The following OPHN1 variants were observed in gnomAD, a reference collection of about 807,000 sequenced individuals.
OPHN1 encodes the protein oligophrenin-1.
OPHN1 carries 11 observed loss-of-function variants against 60.7 expected under a neutral mutation model. That is an observed-to-expected ratio of 0.18 (90% CI 0.11 to 0.30). The LOEUF is 0.30. Among genes scored for constraint, OPHN1 ranks in the 10% least tolerant of loss-of-function variants. The pLI, the probability that OPHN1 is intolerant of heterozygous loss-of-function variation, is 1.00. For synonymous variants in OPHN1, 226 were observed against 222.6 expected (o/e 1.02, Z -0.14); for missense variants, 449 against 611.0 (o/e 0.73, Z 2.80).
chrX:68,202,877 A>G (rs567426802), intron 10 of OPHN1, among the ~76,000 whole-genome samples: 5 of 111,959 alleles, frequency 4.5e-5, no homozygotes, highest in African/African-American at 1.6e-4. Context: ...CAGCATACCC[A>G]AAGTCATCCA....
intron 6 of OPHN1, 141 bp from the exon 7 acceptor site, chrX:68,214,113 A>C: frequency 2.1e-6 from 1 of 479,591 alleles, no homozygotes. Context: ...AGAAATAGAG[A>C]ACCTAAAGCC....
intron 6 of OPHN1, among the ~76,000 whole-genome samples, chrX:68,214,818 G>C (rs1424419468): frequency 9.0e-6 from 1 of 110,699 alleles, no homozygotes; most frequent in African/African-American, 3.3e-5. Flanking sequence ...CCAACATGGA[G>C]AAACCCTATC....
At chrX:68,375,201 A>G (rs1342220895) in intron 2 of OPHN1, among the ~76,000 whole-genome samples, 1 of 112,476 alleles carries the variant, frequency 8.9e-6, no homozygotes, top group Non-Finnish European at 1.9e-5. Flanking sequence ...ATCATGAAAA[A>G]CTGAAAATGT....
intron 6 of OPHN1, among the ~76,000 whole-genome samples, chrX:68,229,337 T>C (rs1428626851): frequency 8.1e-5 from 9 of 111,591 alleles, no homozygotes; most frequent in South Asian, 3.7e-4. Context: ...GCCATACTGC[T>C]CAAGGTAATT....
intron 2 of OPHN1, among the ~76,000 whole-genome samples, chrX:68,309,532 C>G (rs753156891): frequency 9.0e-6 from 1 of 111,252 alleles, no homozygotes; most frequent in Non-Finnish European, 1.9e-5. Flanking sequence ...ACTAGATATA[C>G]TCAGTTCTCA....
chrX:68,397,174 T>G (rs1465644762), intron 2 of OPHN1, among the ~76,000 whole-genome samples: 1 of 112,246 alleles, frequency 8.9e-6, no homozygotes, highest in Non-Finnish European at 1.9e-5. Context: ...GAAGTTCTAT[T>G]TAGATAAAAT....
chrX:68,317,539 A>AAAAGAAAG (rs762679584), intron 2 of OPHN1, among the ~76,000 whole-genome samples: 1,184 of 58,907 alleles, frequency 0.02, 29 homozygotes, highest in African/African-American at 0.066. Flanking sequence ...AAGAAAGAAA[A>AAAAGAAAG]AAAGAAAGAA....
intron 15 of OPHN1, among the ~76,000 whole-genome samples, chrX:68,149,519 T>C (rs752193432): frequency 2.0e-4 from 22 of 111,503 alleles, no homozygotes; most frequent in African/African-American, 6.8e-4. Context: ...AAAGAAGATA[T>C]ACAAATGGCC....
chrX:68,280,786 G>T (rs937896242), intron 4 of OPHN1, among the ~76,000 whole-genome samples: 6 of 111,117 alleles, frequency 5.4e-5, no homozygotes, highest in Non-Finnish European at 7.5e-5. Context: ...GGTCATGATG[G>T]TACTGCCGGT....
In OPHN1 at chrX:68,377,737, A is replaced by G. The variant is rs762396096; in HGVS notation, c.154+55130T>C. Reference sequence around the variant, plus strand: ...AGAATGATGATTTCCAGTTTCATCCATGTCCCTACAAAGGACATGAACTCA... The same window carrying G: ...AGAATGATGATTTCCAGTTTCATCCGTGTCCCTACAAAGGACATGAACTCA... On this transcript the variant is annotated intron_variant, in intron 2 of 24. Transcript: ENST00000355520. 4.2e-3 allele frequency among the ~76,000 whole-genome samples: 467 copies of G among 110,735 alleles called. 3 individuals carry two copies. The highest frequency in any genetic ancestry group is 0.015 in the African/African-American group (445 of 30,423).
At chrX:68,111,103 A>T in intron 18 of OPHN1, among the ~76,000 whole-genome samples, 1 of 112,157 alleles carries the variant, frequency 8.9e-6, no homozygotes, top group Non-Finnish European at 1.9e-5. Flanking sequence ...AATACATTAC[A>T]ATTTTTTAAT....
chrX:68,287,655 G>A (rs921249279), intron 3 of OPHN1, among the ~76,000 whole-genome samples: 2 of 111,630 alleles, frequency 1.8e-5, no homozygotes, highest in African/African-American at 3.3e-5. Context: ...TGCACACATT[G>A]CATGATTATA....
chrX:68,168,629 C>G (rs1460429776), intron 15 of OPHN1, among the ~76,000 whole-genome samples: 1 of 112,124 alleles, frequency 8.9e-6, no homozygotes, highest in Non-Finnish European at 1.9e-5. Flanking sequence ...CAAAAGCTAG[C>G]AGAAGGCAAG....
chrX:68,432,815 A>ATTT, intron 2 of OPHN1, 52 bp downstream of exon 2: 3 of 1,190,946 alleles, frequency 2.5e-6, no homozygotes, highest in Non-Finnish European at 3.4e-6. Context: ...GAAAGGCTTA[A>ATTT]AGGCCAGACA....
At chrX:68,228,343 G>A (rs759199886) in intron 6 of OPHN1, among the ~76,000 whole-genome samples, 9 of 111,322 alleles carry the variant, frequency 8.1e-5, no homozygotes, top group African/African-American at 2.9e-4. Flanking sequence ...GGAGGAGCTG[G>A]TACCATTCCT....
At chrX:68,342,945 CGAA>C (rs970175902) in intron 2 of OPHN1, among the ~76,000 whole-genome samples, 2 of 108,915 alleles carry the variant, frequency 1.8e-5, no homozygotes, top group African/African-American at 3.4e-5. Context: ...GTCACGAAGA[CGAA>C]GAAGAAGAAA....
At chrX:68,221,510 G>A (rs1490358677) in intron 6 of OPHN1, among the ~76,000 whole-genome samples, 1 of 88,101 alleles carries the variant, frequency 1.1e-5, no homozygotes, top group Non-Finnish European at 2.3e-5. Flanking sequence ...GAGGCATCAC[G>A]CTACCTGACT....
rs1183699328 is a variant in OPHN1, at chrX:68,366,996, G to A, written c.154+65871C>T. Reference sequence around the variant, plus strand: ...TAGGGAGTGTGGATTAAAAAGAGTAGTCAGAGTGACATCAGCAAAATGGTG... The same window carrying A: ...TAGGGAGTGTGGATTAAAAAGAGTAATCAGAGTGACATCAGCAAAATGGTG... On this transcript the variant is annotated intron_variant, in intron 2 of 24. Transcript: ENST00000355520. Among the ~76,000 whole-genome samples, 3 of 111,078 alleles carry A rather than the reference G, an allele frequency of 2.7e-5. No individual in the cohort carries two copies. The Admixed American group carries it at 2.9e-4, about 11-fold the overall frequency.
At chrX:68,367,364 A>AG (rs2078505003) in intron 2 of OPHN1, among the ~76,000 whole-genome samples, 1 of 107,580 alleles carries the variant, frequency 9.3e-6, no homozygotes, top group Non-Finnish European at 1.9e-5. Context: ...GGGAAAAAAA[A>AG]AAAAAAAACA....
Sources: allele counts gnomAD v4.1 joint callset (sites outside exome capture counted in the v4.1 genomes callset), GRCh38; gene constraint gnomAD v4.1.1; transcripts MANE v1.5; gene names NCBI Gene and HGNC (gene_info 2026-07-23, HGNC 2026-07-21).